The following SHISA9 variants were observed in gnomAD, a reference collection of about 807,000 sequenced individuals.
SHISA9 encodes shisa family member 9, also known as protein shisa-9.
Under a neutral mutation model 38.0 loss-of-function variants are expected in SHISA9, and 13 were observed. The observed-to-expected ratio is 0.34, with a 90% CI of 0.22 to 0.54. The LOEUF (loss-of-function observed/expected upper bound fraction) is 0.54. SHISA9 is among the 20% of genes least tolerant of loss of function. SHISA9 has a pLI of 0.91. For synonymous variants in SHISA9, 275 were observed against 242.0 expected (o/e 1.14, Z -1.27); for missense variants, 538 against 575.8 (o/e 0.93, Z 0.67).
At chr16:13,499,562 A>T in the SHISA9 span, among the ~76,000 whole-genome samples, 43,347 of 152,046 alleles carry the variant, frequency 0.29, 6,756 homozygotes, top group East Asian at 0.37. Context: ...GGTGATTCTT[A>T]TCTTCTTCTT....
intron 2 of SHISA9, among the ~76,000 whole-genome samples, chr16:12,982,588 G>T (rs994944813): frequency 1.3e-5 from 2 of 152,178 alleles, no homozygotes; most frequent in Non-Finnish European, 2.9e-5. Flanking sequence ...ACTTTTGTAT[G>T]ATAGGTCAGG....
chr16:13,069,389 G>T (rs2073481725), intron 2 of SHISA9, among the ~76,000 whole-genome samples: 1 of 151,852 alleles, frequency 6.6e-6, no homozygotes, highest in Admixed American at 6.6e-5. Flanking sequence ...CATGCAATGT[G>T]TATGTGTGTA....
chr16:13,518,137 C>A, the SHISA9 span, among the ~76,000 whole-genome samples: 3 of 152,142 alleles, frequency 2.0e-5, no homozygotes, highest in Non-Finnish European at 2.9e-5. Context: ...TGACCACTCC[C>A]ACTTAGCTCC....
chr16:12,993,022 G>A (rs1215746248), intron 2 of SHISA9, among the ~76,000 whole-genome samples: 2 of 152,084 alleles, frequency 1.3e-5, no homozygotes, highest in East Asian at 3.9e-4. Flanking sequence ...CACTGCTTTG[G>A]GACATACTCT....
chr16:13,539,461 A>G, the SHISA9 span, among the ~76,000 whole-genome samples: 56 of 150,830 alleles, frequency 3.7e-4, 1 homozygote, highest in East Asian at 9.7e-3. Flanking sequence ...ACAGGTGTCA[A>G]CCACTATGCT....
chr16:13,195,077 C>G (rs2050924080), intron 2 of SHISA9, among the ~76,000 whole-genome samples: 1 of 152,148 alleles, frequency 6.6e-6, no homozygotes, highest in East Asian at 1.9e-4. Flanking sequence ...GCATACATAT[C>G]TAAATTCCCT....
At chr16:12,981,801 G>A (rs1030751082) in intron 2 of SHISA9, among the ~76,000 whole-genome samples, 1 of 152,074 alleles carries the variant, frequency 6.6e-6, no homozygotes, top group African/African-American at 2.4e-5. Flanking sequence ...CATATGACTG[G>A]TATCCTTATA....
intron 2 of SHISA9, among the ~76,000 whole-genome samples, chr16:13,148,953 A>G (rs995908321): frequency 6.6e-6 from 1 of 152,200 alleles, no homozygotes; most frequent in Non-Finnish European, 1.5e-5. Flanking sequence ...TGTAACTCCA[A>G]CAGCTCTGAT....
At chr16:12,902,968 T>C in intron 1 of SHISA9, 1 of 277,848 alleles carries the variant, frequency 3.6e-6, no homozygotes, top group Non-Finnish European at 6.7e-6. Flanking sequence ...TCTTCGGGTT[T>C]GGGGAGAGGG....
intron 2 of SHISA9, among the ~76,000 whole-genome samples, chr16:13,021,561 C>G (rs1435819230): frequency 6.6e-6 from 1 of 152,190 alleles, no homozygotes; most frequent in Non-Finnish European, 1.5e-5. Context: ...TCAGAACAAT[C>G]AGATGAACAA....
the SHISA9 span, among the ~76,000 whole-genome samples, chr16:13,455,945 C>G: frequency 2.0e-5 from 3 of 152,116 alleles, no homozygotes; most frequent in African/African-American, 7.2e-5. Flanking sequence ...TTCTTGTGGC[C>G]TGGAATTGGA....
At chr16:13,472,553 G>A in the SHISA9 span, among the ~76,000 whole-genome samples, 4 of 151,364 alleles carry the variant, frequency 2.6e-5, no homozygotes, top group African/African-American at 7.3e-5. Flanking sequence ...CACCAAGCCC[G>A]GTTAATTTTT....
intron 2 of SHISA9, among the ~76,000 whole-genome samples, chr16:13,151,298 G>C (rs974243180): frequency 6.6e-6 from 1 of 152,026 alleles, no homozygotes; most frequent in African/African-American, 2.4e-5. Context: ...GTAGAGATGG[G>C]GTTTCACCAT....
the SHISA9 span, among the ~76,000 whole-genome samples, chr16:13,285,569 C>T: frequency 6.8e-6 from 1 of 146,534 alleles, no homozygotes; most frequent in Admixed American, 7.1e-5. Flanking sequence ...ATGTGATCTC[C>T]TTGTCTTGCC....
At chr16:13,540,679 A>G in the SHISA9 span, among the ~76,000 whole-genome samples, 2 of 152,218 alleles carry the variant, frequency 1.3e-5, no homozygotes, top group South Asian at 4.1e-4. Flanking sequence ...GGGAACCCAA[A>G]GTAAGACATT....
At position 13,208,038 on chromosome 16, in the gene SHISA9, T is replaced by G. The variant is rs566910175; in HGVS notation, c.847+4489T>G. Among the ~76,000 whole-genome samples the G allele has an allele frequency of 1.3e-3, 198 of 152,264 alleles. 1 individual carries two copies. The highest frequency in any genetic ancestry group is 4.6e-3 in the African/African-American group (192 of 41,566). ...TCTGGGAAGCTTTAACATCCAGAGCTCTGGGAAGATGATCAGAGGCTCTGT... is the reference window on the plus strand; with the variant it reads ...TCTGGGAAGCTTTAACATCCAGAGCGCTGGGAAGATGATCAGAGGCTCTGT... On this transcript the variant is annotated intron_variant, in intron 3 of 4. Coordinates refer to ENST00000558583, the MANE Select transcript of SHISA9 (RefSeq NM_001145204.3).
At chr16:13,311,903 TAA>T in the SHISA9 span, among the ~76,000 whole-genome samples, 1 of 152,182 alleles carries the variant, frequency 6.6e-6, no homozygotes, top group African/African-American at 2.4e-5. Flanking sequence ...TTAAATGAAC[TAA>T]AATAGGTAAA....
intron 2 of SHISA9, among the ~76,000 whole-genome samples, chr16:13,032,668 T>A (rs866323896): frequency 9.9e-5 from 15 of 152,222 alleles, no homozygotes; most frequent in African/African-American, 2.9e-4. Flanking sequence ...AATATTAGAC[T>A]GTTCTCATCT....
At chr16:13,345,351 GTGGTATT>G in the SHISA9 span, among the ~76,000 whole-genome samples, 1 of 152,098 alleles carries the variant, frequency 6.6e-6, no homozygotes, top group Admixed American at 6.5e-5. Flanking sequence ...GTGAGAACAT[GTGGTATT>G]TGGTTTTCTG....
Sources: allele counts gnomAD v4.1 joint callset (sites outside exome capture counted in the v4.1 genomes callset), GRCh38; gene constraint gnomAD v4.1.1; transcripts MANE v1.5; gene names NCBI Gene and HGNC (gene_info 2026-07-23, HGNC 2026-07-21).